ABCA8: variants seen among roughly 807,000 people sequenced by gnomAD.
ABCA8 encodes ATP binding cassette subfamily A member 8, also known as ABC-type organic anion transporter ABCA8.
ABCA8 carries 177 observed loss-of-function variants against 192.3 expected under a neutral mutation model. The observed-to-expected ratio is 0.92, with a 90% CI of 0.81 to 1.04. ABCA8 has a LOEUF of 1.04. Ranked by LOEUF, ABCA8 falls within the 50% of genes least tolerant of loss-of-function variation. The pLI, the probability that ABCA8 is intolerant of heterozygous loss-of-function variation, is 0.00. For synonymous variants in ABCA8, 642 were observed against 690.2 expected (o/e 0.93, Z 1.09); for missense variants, 1,915 against 1,904.8 (o/e 1.01, Z -0.10).
At chr17:68,891,708 T>G in intron 23 of ABCA8, 112 bp from the exon 24 acceptor site, 1 of 725,418 alleles carries the variant, frequency 1.4e-6, no homozygotes, top group Non-Finnish European at 2.2e-6. Flanking sequence ...TTAGGTCCCT[T>G]TTGAGATTCC....
chr17:68,920,192 C>G (rs1196539721), intron 13 of ABCA8, among the ~76,000 whole-genome samples: 2 of 151,984 alleles, frequency 1.3e-5, no homozygotes, highest in African/African-American at 4.8e-5. Flanking sequence ...TAAGAGGGAG[C>G]TAAATGATAA....
chr17:68,938,667 G>A (rs901740437), intron 4 of ABCA8, among the ~76,000 whole-genome samples: 2 of 152,018 alleles, frequency 1.3e-5, no homozygotes, highest in Admixed American at 1.3e-4. Context: ...CAAACTCGAA[G>A]TCACTTTAAA....
chr17:68,936,016 CAAAT>C (rs1248557752), intron 5 of ABCA8, among the ~76,000 whole-genome samples: 2 of 152,040 alleles, frequency 1.3e-5, no homozygotes, highest in Non-Finnish European at 2.9e-5. Flanking sequence ...TCAAACAACT[CAAAT>C]AACTGCACTG....
At chr17:68,947,852 C>T (rs2068454869) in intron 2 of ABCA8, among the ~76,000 whole-genome samples, 1 of 152,054 alleles carries the variant, frequency 6.6e-6, no homozygotes, top group Non-Finnish European at 1.5e-5. Flanking sequence ...AGGTTTTAAG[C>T]CCCGCACGCA....
intron 24 of ABCA8, among the ~76,000 whole-genome samples, chr17:68,889,949 C>T (rs2066585249): frequency 6.6e-6 from 1 of 152,056 alleles, no homozygotes. Context: ...TATCAGTTCA[C>T]TGCTTGGGGG....
chr17:68,887,905 TATCC>T (rs1459387211), intron 24 of ABCA8, among the ~76,000 whole-genome samples: 10 of 56,626 alleles, frequency 1.8e-4, no homozygotes, highest in African/African-American at 1.1e-3. Context: ...TATATATATA[TATCC>T]ATATATATAT....
intron 17 of ABCA8, among the ~76,000 whole-genome samples, 162 bp downstream of exon 17, chr17:68,917,199 A>G (rs2067393301): frequency 6.6e-6 from 1 of 152,194 alleles, no homozygotes; most frequent in African/African-American, 2.4e-5. Flanking sequence ...TGAACCCAGG[A>G]GGCGGAGCTT....
rs1385710830 is a variant in ABCA8, at chr17:68,927,920, C to A, written c.1269G>T (p.Leu423Phe). ...LALAIYFEKI[L>F]PNEYGHRRPP... ...TTTAATCATATCATTACTCACTTGG[C>A]AAAATTTTTTCAAAGTAAATCGCCA... Residue 423 changes from leucine (L) to phenylalanine (F), a missense_variant, in exon 10 of 40, where the codon TTG becomes TTT. Transcript: ENST00000586539. The A allele has an allele frequency of 6.3e-7, 1 of 1,595,266 alleles. No homozygotes were observed. The highest frequency in any genetic ancestry group is 8.5e-7 in the Non-Finnish European group (1 of 1,173,256).
At chr17:68,898,091 T>G (rs67040494) in intron 21 of ABCA8, among the ~76,000 whole-genome samples, 61,570 of 152,014 alleles carry the variant, frequency 0.41, 13,332 homozygotes, top group East Asian at 0.57. Context: ...GAATGTTTCC[T>G]TGGTGATGTG....
intron 1 of ABCA8, among the ~76,000 whole-genome samples, chr17:68,953,170 G>A (rs2068616422): frequency 6.6e-6 from 1 of 152,158 alleles, no homozygotes; most frequent in South Asian, 2.1e-4. Flanking sequence ...ATTCTGGAAG[G>A]TACCATCATC....
intron 26 of ABCA8, 21 bp downstream of exon 26, chr17:68,886,996 A>T (rs2066478452): frequency 6.7e-7 from 1 of 1,503,050 alleles, no homozygotes; most frequent in Admixed American, 1.7e-5. Flanking sequence ...TACAGTATAC[A>T]TCCACAAGAA....
intron 9 of ABCA8, 75 bp downstream of exon 9, chr17:68,928,974 T>C: frequency 8.2e-7 from 1 of 1,219,710 alleles, no homozygotes; most frequent in Non-Finnish European, 1.1e-6. Flanking sequence ...AGTTTGTAAA[T>C]GATTACAGCC....
At position 68,918,194 on chromosome 17, in the gene ABCA8, G is replaced by C. The variant is rs180882268; in HGVS notation, c.1909-9C>G. The C allele has an allele frequency of 6.2e-7, 1 of 1,613,794 alleles. No individual in the cohort carries two copies. The highest frequency in any genetic ancestry group is 8.5e-7 in the Non-Finnish European group (1 of 1,179,978). On this transcript the variant is annotated splice_polypyrimidine_tract_variant and intron_variant, in intron 15 of 39. Coordinates refer to ENST00000586539, the MANE Select transcript of ABCA8 (RefSeq NM_001288985.2). ...TCATCCAACAGGAAAATCTATAAAC[G>C]AGGAAAGTATATAAGGCGGTTTTCC...
Position 68,924,784 on chromosome 17 carries a change from A to G in ABCA8, c.1359T>C (p.Leu453=). Residue 453 remains leucine (L), a synonymous_variant, in exon 11 of 40, where the codon CTT becomes CTC. Transcript: ENST00000586539. ...AAGGATCGGCATCCATTTCATCTTC[A>G]AGGGCCACGTGATCAGTCTTTTGTG... ...SQTQKTDHVA[L]EDEMDADPSF... 6.2e-7 allele frequency: 1 copy of G among 1,614,142 alleles called. No homozygotes were observed. The highest frequency in any genetic ancestry group is 1.3e-5 in the African/African-American group (1 of 75,052).
Position 68,893,886 on chromosome 17 carries a change from C to A in ABCA8, c.3036+287G>T, listed in dbSNP as rs373150803. On this transcript the variant is annotated intron_variant, in intron 23 of 39. Coordinates refer to ENST00000586539, the MANE Select transcript of ABCA8 (RefSeq NM_001288985.2). ...TATCTCCCAATGCTATCCCTCCCCCCTCCCCCCACCCCACCACAGTCCCCA... is the reference window on the plus strand; with the variant it reads ...TATCTCCCAATGCTATCCCTCCCCCATCCCCCCACCCCACCACAGTCCCCA... 8.0e-4 allele frequency among the ~76,000 whole-genome samples: 86 copies of A among 107,342 alleles called. No homozygotes were observed. The East Asian group carries it at 0.025, about 31-fold the overall frequency. The allele number at this position is 107,342 out of a possible 152,430, so 70.4% of individuals were successfully genotyped here.
chr17:68,952,255 G>C (rs2143830259), intron 1 of ABCA8, among the ~76,000 whole-genome samples: 1 of 152,174 alleles, frequency 6.6e-6, no homozygotes, highest in African/African-American at 2.4e-5. Context: ...GTCTCGCTCT[G>C]TCGCCCAGGC....
intron 32 of ABCA8, chr17:68,879,686 A>G (rs912773772): frequency 1.6e-4 from 25 of 152,372 alleles, no homozygotes; most frequent in African/African-American, 6.0e-4. Context: ...AGCATCCTTT[A>G]CTGAATCTCA....
intron 3 of ABCA8, 102 bp from the exon 4 acceptor site, chr17:68,941,064 C>A: frequency 1.2e-6 from 1 of 814,920 alleles, no homozygotes; most frequent in South Asian, 1.8e-5. Context: ...TTTCTAACTT[C>A]AATATATCCC....
At chr17:68,922,213 T>TAAC in intron 12 of ABCA8, 29 bp downstream of exon 12, 1 of 94,600 alleles carries the variant, frequency 1.1e-5, no homozygotes, top group Non-Finnish European at 1.9e-5. Context: ...TTTTTTTTTT[T>TAAC]TTTTTTTTTT....
Sources: allele counts gnomAD v4.1 joint callset (sites outside exome capture counted in the v4.1 genomes callset), GRCh38; gene constraint gnomAD v4.1.1; transcripts MANE v1.5; gene names NCBI Gene and HGNC (gene_info 2026-07-23, HGNC 2026-07-21).